The following PSD2 variants were observed in gnomAD, a reference collection of about 807,000 sequenced individuals.
PSD2 encodes the protein PH and SEC7 domain-containing protein 2.
A neutral mutation model predicts 69.8 loss-of-function variants in PSD2; 38 were observed. The ratio of observed to expected loss-of-function variants is 0.54; its 90% confidence interval spans 0.42 to 0.71. The LOEUF is 0.71. Ranked by LOEUF, PSD2 falls within the 30% of genes least tolerant of loss-of-function variation. The probability of loss-of-function intolerance (pLI) is 0.00; values close to 1 mark genes in which losing one functional copy is unlikely to be tolerated. For synonymous variants in PSD2, 412 were observed against 423.0 expected (o/e 0.97, Z 0.32); for missense variants, 943 against 1,014.5 (o/e 0.93, Z 0.96).
At chr5:139,802,668 C>T (rs1412150809) in intron 1 of PSD2, among the ~76,000 whole-genome samples, 1 of 152,094 alleles carries the variant, frequency 6.6e-6, no homozygotes, top group Non-Finnish European at 1.5e-5. Context: ...GTCAGTTGGG[C>T]ATAGAGTCAC....
At chr5:139,753,998 T>C in the PSD2 span, among the ~76,000 whole-genome samples, 1 of 151,764 alleles carries the variant, frequency 6.6e-6, no homozygotes, top group South Asian at 2.1e-4. Context: ...CACCACACCG[T>C]GCTAATTTTG....
Position 139,833,735 on chromosome 5 carries a change from A to G in PSD2, c.1303A>G (p.Ile435Val), listed in dbSNP as rs1760648114. Residue 435 changes from isoleucine (I) to valine (V), a missense_variant, in exon 8 of 15, where the codon ATT becomes GTT. By Grantham distance (29) the Ile-to-Val change is conservative. Transcript: ENST00000274710. ...IGKKMSCQQF[I>V]ANLDQLNDGQ... Reference sequence around the variant, plus strand: ...CAAAAAGATGTCCTGTCAGCAATTCATTGCCAACTTGGACCAGCTGAATGA... The same window carrying G: ...CAAAAAGATGTCCTGTCAGCAATTCGTTGCCAACTTGGACCAGCTGAATGA... 1 of 1,614,132 alleles carries G rather than the reference A, an allele frequency of 6.2e-7. No homozygotes were observed.
chr5:139,746,856 G>C, the PSD2 span, among the ~76,000 whole-genome samples: 1 of 152,188 alleles, frequency 6.6e-6, no homozygotes, highest in African/African-American at 2.4e-5. This position sits in a 1 kb window ranked among gnomAD's most constrained non-coding sequence, Gnocchi z 4.5. Flanking sequence ...ACGCTCCCTC[G>C]CTCTGGCTCC....
intron 1 of PSD2, among the ~76,000 whole-genome samples, chr5:139,800,722 T>A (rs1211697503): frequency 1.3e-5 from 2 of 152,178 alleles, no homozygotes; most frequent in East Asian, 3.9e-4. Context: ...CTGCTCTGCT[T>A]TCTTCTGTAT....
At position 139,796,807 on chromosome 5, in the gene PSD2, G is replaced by A. The variant is rs558824814; in HGVS notation, c.-51+832G>A. The stretch of plus-strand genomic sequence containing the variant: ...CCTTTGTCTTGGGGCCATCTTGGGG[G>A]GGCCAGGAAGAGAACAGGGAGCAGA... On this transcript the variant is annotated intron_variant, in intron 1 of 14. Coordinates refer to ENST00000274710, the MANE Select transcript of PSD2 (RefSeq NM_032289.4). Among the ~76,000 whole-genome samples the A allele has an allele frequency of 2.6e-5, 4 of 152,330 alleles. No individual in the cohort carries two copies. The South Asian group carries it at 8.3e-4, about 32-fold the overall frequency.
chr5:139,809,094 C>T (rs1222840550), intron 1 of PSD2, among the ~76,000 whole-genome samples: 4 of 152,190 alleles, frequency 2.6e-5, no homozygotes, highest in African/African-American at 9.7e-5. Flanking sequence ...GGATCTTCCT[C>T]AGAGGGCTTT....
At position 139,838,904 on chromosome 5, in the gene PSD2, C is replaced by T. The variant is rs962538157; in HGVS notation, c.1968+132C>T. 1.4e-5 allele frequency: 13 copies of T among 936,280 alleles called. No homozygotes were observed. In the East Asian group the frequency reaches 3.5e-4, roughly 25 times the overall value. 58.0% of individuals were successfully genotyped at this position (936,280 alleles called of 1,614,324 possible). On this transcript the variant is annotated intron_variant, in intron 13 of 14. Transcript: ENST00000274710. ...GGCTGAAGGACACCAGAGAAGGACACCTGTTCCCTCCATCCCAAGCACCCC... is the reference window on the plus strand; with the variant it reads ...GGCTGAAGGACACCAGAGAAGGACATCTGTTCCCTCCATCCCAAGCACCCC...
chr5:139,833,838 G>T (rs767618243), intron 8 of PSD2, 47 bp downstream of exon 8: 4 of 1,388,158 alleles, frequency 2.9e-6, no homozygotes, highest in Non-Finnish European at 4.1e-6. Context: ...GCCCTGAATG[G>T]ATAGAGAGGA....
In PSD2 at chr5:139,837,100, G is replaced by A. The variant is rs1008087124; in HGVS notation, c.1595-68G>A. 2.1e-5 allele frequency: 33 copies of A among 1,601,008 alleles called. No individual in the cohort carries two copies. In the African/African-American group the frequency reaches 4.0e-4, roughly 19 times the overall value. On this transcript the variant is annotated intron_variant, in intron 10 of 14. Coordinates refer to ENST00000274710, the MANE Select transcript of PSD2 (RefSeq NM_032289.4). This position sits in a 1 kb window ranked among gnomAD's most constrained non-coding sequence, Gnocchi z 5.0. ...GGACGAACATACAGGTGGACACGTA[G>A]TGGGAGGTGGGGTTGGAGAGACTGC...
intron 9 of PSD2, 117 bp downstream of exon 9, chr5:139,835,883 G>A: frequency 1.0e-6 from 1 of 958,210 alleles, no homozygotes; most frequent in South Asian, 1.4e-5. Context: ...CCCAATCCAG[G>A]GCCTGATACC....
At chr5:139,796,826 G>T (rs1474512099) in intron 1 of PSD2, among the ~76,000 whole-genome samples, 6 of 152,212 alleles carry the variant, frequency 3.9e-5, no homozygotes, top group Non-Finnish European at 5.9e-5. Context: ...AGAGAACAGG[G>T]AGCAGAAGCA....
At chr5:139,809,311 C>T in intron 1 of PSD2, 80 bp from the exon 2 acceptor site, 2 of 1,121,358 alleles carry the variant, frequency 1.8e-6, no homozygotes, top group Non-Finnish European at 2.5e-6. Flanking sequence ...GGCTGCTCTG[C>T]CACTGGTTCT....
intron 5 of PSD2, among the ~76,000 whole-genome samples, chr5:139,821,447 A>G (rs1171600082): frequency 6.6e-6 from 1 of 152,116 alleles, no homozygotes; most frequent in Non-Finnish European, 1.5e-5. Context: ...GGAGGAGTTG[A>G]GGGGCCAGAG....
At chr5:139,745,713 C>T in the PSD2 span, among the ~76,000 whole-genome samples, 2 of 152,346 alleles carry the variant, frequency 1.3e-5, no homozygotes, top group Non-Finnish European at 2.9e-5. Flanking sequence ...CAGAGCAAAC[C>T]CACTTCTTGA....
the PSD2 span, among the ~76,000 whole-genome samples, chr5:139,755,635 C>CTG: frequency 7.7e-3 from 1,125 of 146,424 alleles, 6 homozygotes; most frequent in East Asian, 0.042. Context: ...TGCGGCCCTG[C>CTG]TGTGTGTGTG....
chr5:139,822,807 GGTGT>G, intron 7 of PSD2, 23 bp downstream of exon 7: 1 of 1,596,798 alleles, frequency 6.3e-7, no homozygotes, highest in Non-Finnish European at 8.5e-7. Flanking sequence ...GGTGACGGGG[GGTGT>G]CGCATGTCCT....
chr5:139,813,418 C>T lies in PSD2; in HGVS notation c.481C>T (p.Leu161=), dbSNP rs1233511882. ...RGTQYSSLDS[L]DGLSLTDESD... Reference sequence around the variant, plus strand: ...CACCCAGTACAGCAGCCTCGACTCCCTAGACGGGCTGAGCCTCACGGATGA... The same window carrying T: ...CACCCAGTACAGCAGCCTCGACTCCTTAGACGGGCTGAGCCTCACGGATGA... Residue 161 remains leucine, a synonymous_variant, in exon 3 of 15, where the codon CTA becomes TTA. Transcript: ENST00000274710. The T allele has an allele frequency of 1.9e-6, 3 of 1,613,790 alleles. No homozygotes were observed. The highest frequency in any genetic ancestry group is 2.7e-5 in the African/African-American group (2 of 74,932).
chr5:139,801,101 A>T (rs192940761), intron 1 of PSD2, among the ~76,000 whole-genome samples: 4 of 151,778 alleles, frequency 2.6e-5, no homozygotes, highest in African/African-American at 4.8e-5. Flanking sequence ...GGTACTCGGG[A>T]GGCTGAGGCA....
chr5:139,757,324 C>G, the PSD2 span, among the ~76,000 whole-genome samples: 1 of 152,254 alleles, frequency 6.6e-6, no homozygotes, highest in Non-Finnish European at 1.5e-5. Flanking sequence ...GCCACCACCA[C>G]CCCAACCCTG....
Sources: gnomAD v4.1 joint callset for allele counts (sites outside exome capture counted in the v4.1 genomes callset) on GRCh38, gnomAD v4.1.1 for gene constraint, Gnocchi (gnomAD v3.1) non-coding constraint, MANE v1.5 for transcripts, NCBI Gene and HGNC (gene_info 2026-07-23, HGNC 2026-07-21) for gene names.